AGTR1: variants seen among roughly 807,000 people sequenced by gnomAD.
AGTR1 encodes type-1 angiotensin II receptor.
A neutral mutation model predicts 19.4 loss-of-function variants in AGTR1; 16 were observed. The observed-to-expected ratio is 0.82, with a 90% confidence interval of 0.56 to 1.25. AGTR1 has a LOEUF of 1.25. Among genes scored for constraint, AGTR1 ranks in the 50% most tolerant of loss-of-function variants. The probability of loss-of-function intolerance (pLI) is 0.00; values close to 1 mark genes in which losing one functional copy is unlikely to be tolerated. For synonymous variants in AGTR1, 153 were observed against 154.9 expected, an observed-to-expected ratio of 0.99 and a Z score of 0.09; for missense variants, 373 against 431.9, an observed-to-expected ratio of 0.86 and a Z score of 1.21.
At chr3:148,734,272 A>AAAG (rs1236399451) in intron 2 of AGTR1, among the ~76,000 whole-genome samples, 21 of 152,374 alleles carry the variant, frequency 1.4e-4, no homozygotes, top group Admixed American at 1.4e-3. Flanking sequence ...TATAAATTAT[A>AAAG]AAGTTTCTGA....
At chr3:148,726,287 C>T (rs375979387) in intron 2 of AGTR1, among the ~76,000 whole-genome samples, 7 of 152,016 alleles carry the variant, frequency 4.6e-5, no homozygotes, top group African/African-American at 1.7e-4. Context: ...CAGCTCACTG[C>T]AACTTCCACC....
intron 2 of AGTR1, among the ~76,000 whole-genome samples, chr3:148,732,689 C>A (rs1407848723): frequency 6.6e-6 from 1 of 151,012 alleles, no homozygotes; most frequent in African/African-American, 2.4e-5. Context: ...ATGATGCATA[C>A]CTGTTCAATG....
chr3:148,742,399 A>G lies in AGTR1; in HGVS notation c.*284A>G, dbSNP rs894238633. The G allele has an allele frequency of 1.2e-5, 6 of 513,610 alleles. No homozygotes were observed. The highest frequency in any genetic ancestry group is 2.2e-5 in the Non-Finnish European group (6 of 273,916). 31.8% of individuals were successfully genotyped at this position (513,610 alleles called of 1,614,324 possible). A position where few individuals can be genotyped will look rare whatever the true frequency, so the allele number is the denominator to read the frequency against. ...TGTTGATTTGAGAAATTTTACTGAC[A>G]GAAATGCAATCTCCCTAGCCTGCTT... is the stretch of plus-strand genomic sequence containing the variant. On this transcript the variant is annotated 3_prime_UTR_variant, in exon 3 of 3. Coordinates refer to ENST00000349243, the MANE Select transcript of AGTR1 (RefSeq NM_000685.5).
At chr3:148,721,717 G>A (rs1713647566) in intron 2 of AGTR1, among the ~76,000 whole-genome samples, 1 of 152,214 alleles carries the variant, frequency 6.6e-6, no homozygotes, top group African/African-American at 2.4e-5. Flanking sequence ...GGAGGCTAGA[G>A]TTCAGAGTAC....
chr3:148,721,029 T>C (rs1001749030), intron 2 of AGTR1, among the ~76,000 whole-genome samples: 1 of 152,176 alleles, frequency 6.6e-6, no homozygotes. Flanking sequence ...CAGATAAGCT[T>C]GTTTTTTGCC....
intron 2 of AGTR1, among the ~76,000 whole-genome samples, chr3:148,720,179 A>G (rs1211917507): frequency 2.6e-5 from 4 of 152,178 alleles, no homozygotes; most frequent in Admixed American, 6.5e-5. Context: ...AGAGTGGGTG[A>G]AAACAGGTTT....
At position 148,741,262 on chromosome 3, in the gene AGTR1, GC is replaced by G. The variant is rs1714859920; in HGVS notation, c.228del (p.Leu78TyrfsTer2). 1.2e-6 allele frequency: 2 copies of G among 1,613,632 alleles called. No individual in the cohort carries two copies. Among genetic ancestry groups the G allele is most frequent in the Non-Finnish European group, 1.7e-6 (2 of 1,180,018 alleles). On this transcript the variant is annotated frameshift_variant, in exon 3 of 3. Coordinates refer to ENST00000349243, the MANE Select transcript of AGTR1 (RefSeq NM_000685.5). LOFTEE classifies it high-confidence loss of function. ...TTGAATTTAGCACTGGCTGACTTAT[GC>G]TTTTTACTGACTTTGCCACTATGGG... is the stretch of plus-strand genomic sequence containing the variant. ...FLLNLALADL[C>X]FLLTLPLWAV...
chr3:148,710,504 G>A (rs994433618), intron 2 of AGTR1, among the ~76,000 whole-genome samples: 9 of 151,990 alleles, frequency 5.9e-5, no homozygotes, highest in African/African-American at 2.2e-4. Flanking sequence ...ATTTTTAAAG[G>A]CCAATATTTT....
Position 148,700,824 on chromosome 3 carries a change from A to G in AGTR1, c.-132+2697A>G, listed in dbSNP as rs892191356. Among the ~76,000 whole-genome samples the G allele has an allele frequency of 3.7e-4, 56 of 152,202 alleles. 1 individual carries two copies. The highest frequency in any genetic ancestry group is 2.6e-4 in the Admixed American group (4 of 15,274). ...CTTTCCAACACGTGATGATTGGAAA[A>G]TGCTATTAGTTTCCTTCAAAATTCT... On this transcript the variant is annotated intron_variant, in intron 1 of 2. Coordinates refer to ENST00000349243, the MANE Select transcript of AGTR1 (RefSeq NM_000685.5).
intron 2 of AGTR1, among the ~76,000 whole-genome samples, 165 bp downstream of exon 2, chr3:148,708,192 A>T (rs1031030946): frequency 4.6e-5 from 7 of 152,186 alleles, no homozygotes; most frequent in African/African-American, 1.7e-4. Context: ...CAATATACAG[A>T]TTAAGAGCGT....
At chr3:148,707,067 C>T (rs1234175076) in intron 1 of AGTR1, among the ~76,000 whole-genome samples, 1 of 151,848 alleles carries the variant, frequency 6.6e-6, no homozygotes, top group Non-Finnish European at 1.5e-5. Flanking sequence ...TCATTAATAG[C>T]AGACTGGTTA....
At chr3:148,719,604 G>C (rs928651643) in intron 2 of AGTR1, among the ~76,000 whole-genome samples, 47 of 152,320 alleles carry the variant, frequency 3.1e-4, no homozygotes, top group Middle Eastern at 6.8e-3. Context: ...TGTCCATGGG[G>C]AGCCACACTT....
intron 1 of AGTR1, among the ~76,000 whole-genome samples, chr3:148,699,366 T>G (rs918356012): frequency 6.6e-6 from 1 of 152,166 alleles, no homozygotes; most frequent in Admixed American, 6.5e-5. Context: ...CCCTTATAAG[T>G]CTTCTCTAAG....
At chr3:148,733,960 T>C (rs1475272206) in intron 2 of AGTR1, among the ~76,000 whole-genome samples, 2 of 152,200 alleles carry the variant, frequency 1.3e-5, no homozygotes, top group African/African-American at 4.8e-5. Context: ...GTTTAAAGCA[T>C]GTGAATTAGA....
At chr3:148,720,989 C>T (rs913584951) in intron 2 of AGTR1, among the ~76,000 whole-genome samples, 1 of 152,208 alleles carries the variant, frequency 6.6e-6, no homozygotes, top group Admixed American at 6.5e-5. Context: ...TGCTATAATC[C>T]TGTGTAGGTA....
chr3:148,739,958 T>C, intron 2 of AGTR1: 1 of 1,231,802 alleles, frequency 8.1e-7, no homozygotes, highest in Non-Finnish European at 1.0e-6. Context: ...CCACATTCGG[T>C]GATGTCACTC....
At chr3:148,708,278 CAT>C (rs1402745368) in intron 2 of AGTR1, among the ~76,000 whole-genome samples, 2 of 152,126 alleles carry the variant, frequency 1.3e-5, no homozygotes, top group African/African-American at 4.8e-5. Context: ...GATAATGAAT[CAT>C]GTGAGAAAGT....
rs1429999499 is a variant in AGTR1 at position 148,741,672 on chromosome 3, A to G, written c.637A>G (p.Thr213Ala). Residue 213 changes from threonine to alanine, a missense_variant, in exon 3 of 3, where the codon ACA (threonine) becomes GCA (alanine). Physicochemically the swap from Thr to Ala is moderately conservative, Grantham distance 58. Transcript: ENST00000349243. ...CCTGTTTCCTTTTCTGATCATTCTTACAAGTTATACTCTTATTTGGAAGGC... is the reference window on the plus strand; with the variant it reads ...CCTGTTTCCTTTTCTGATCATTCTTGCAAGTTATACTCTTATTTGGAAGGC... ...GFLFPFLIIL[T>A]SYTLIWKALK... 1 of 1,613,882 alleles carries G rather than the reference A, an allele frequency of 6.2e-7. No individual in the cohort carries two copies. The highest frequency in any genetic ancestry group is 1.3e-5 in the African/African-American group (1 of 74,922).
Position 148,742,054 on chromosome 3 carries a change from G to A in AGTR1, c.1019G>A (p.Arg340His), listed in dbSNP as rs377193123. 41 of 1,613,372 alleles carry A rather than the reference G, an allele frequency of 2.5e-5. No individual in the cohort carries two copies. The highest frequency in any genetic ancestry group is 1.6e-4 in the Middle Eastern group (1 of 6,082). ...LSTKMSTLSY[R>H]PSDNVSSSTK... ...ACAAAAATGAGCACGCTTTCCTACCGCCCCTCAGATAATGTAAGCTCATCC... is the reference window on the plus strand; with the variant it reads ...ACAAAAATGAGCACGCTTTCCTACCACCCCTCAGATAATGTAAGCTCATCC... The change falls in exon 3 of 3, where the codon CGC becomes CAC. Residue 340 changes from arginine to histidine, a missense_variant. Coordinates refer to ENST00000349243, the MANE Select transcript of AGTR1 (RefSeq NM_000685.5).
Sources: allele counts gnomAD v4.1 joint callset (sites outside exome capture counted in the v4.1 genomes callset), GRCh38; gene constraint gnomAD v4.1.1; transcripts MANE v1.5; gene names NCBI Gene and HGNC (gene_info 2026-07-23, HGNC 2026-07-21).